RBFOX1: variants seen among roughly 807,000 people sequenced by gnomAD.
RBFOX1 encodes the protein RNA binding fox-1 homolog 1, also known as RNA binding protein fox-1 homolog 1.
A neutral mutation model predicts 57.7 loss-of-function variants in RBFOX1; 8 were observed. The observed-to-expected ratio is 0.14, with a 90% confidence interval of 0.08 to 0.25. The LOEUF (loss-of-function observed/expected upper bound fraction) is 0.25, where lower values mean the gene tolerates loss of function less well. RBFOX1 is among the 10% of genes least tolerant of loss of function. The pLI is 1.00. For synonymous variants in RBFOX1, 326 were observed against 222.4 expected (o/e 1.47, Z -4.15); for missense variants, 611 against 548.5 (o/e 1.11, Z -1.14).
chr16:5,304,498 T>G (rs2063883778), intron 1 of RBFOX1, among the ~76,000 whole-genome samples: 2 of 152,228 alleles, frequency 1.3e-5, no homozygotes, highest in African/African-American at 4.8e-5. Context: ...GACCTGAACA[T>G]GGACACAAAA....
At chr16:5,687,733 C>T (rs2050548588) in intron 3 of RBFOX1, among the ~76,000 whole-genome samples, 1 of 152,156 alleles carries the variant, frequency 6.6e-6, no homozygotes. Flanking sequence ...CCTTCATTCT[C>T]AGGAAAACTG....
At chr16:6,965,125 C>T (rs1445309089) in intron 3 of RBFOX1, among the ~76,000 whole-genome samples, 2 of 151,994 alleles carry the variant, frequency 1.3e-5, no homozygotes, top group African/African-American at 2.4e-5. Context: ...GACTCTGCCT[C>T]CATGGTTCTC....
chr16:6,772,170 G>A (rs2078403584), intron 3 of RBFOX1, among the ~76,000 whole-genome samples: 3 of 152,094 alleles, frequency 2.0e-5, no homozygotes, highest in South Asian at 2.1e-4. Context: ...TGTGGGCAAA[G>A]AGGAATGAAT....
At chr16:6,370,599 T>C (rs1368361137) in intron 2 of RBFOX1, among the ~76,000 whole-genome samples, 1 of 152,060 alleles carries the variant, frequency 6.6e-6, no homozygotes. Context: ...GGACAAATAT[T>C]GTATGATTCT....
intron 4 of RBFOX1, among the ~76,000 whole-genome samples, chr16:7,216,157 C>G (rs1021482842): frequency 2.0e-5 from 3 of 152,078 alleles, no homozygotes; most frequent in African/African-American, 7.2e-5. Flanking sequence ...GTGGATATAC[C>G]ATGTTGTATT....
At chr16:6,943,554 A>G (rs939362406) in intron 3 of RBFOX1, among the ~76,000 whole-genome samples, 1 of 151,994 alleles carries the variant, frequency 6.6e-6, no homozygotes. Context: ...TAAAAATACA[A>G]AAAATTAGCC....
intron 14 of RBFOX1, among the ~76,000 whole-genome samples, chr16:7,683,601 C>G (rs369237399): frequency 1.3e-5 from 2 of 152,040 alleles, no homozygotes; most frequent in African/African-American, 4.8e-5. Flanking sequence ...TTGCCAGTGA[C>G]AAGGCAAGGT....
chr16:7,271,293 C>T (rs762243402), intron 4 of RBFOX1, among the ~76,000 whole-genome samples: 5 of 151,598 alleles, frequency 3.3e-5, no homozygotes, highest in Non-Finnish European at 7.4e-5. Flanking sequence ...TCACAGGCAT[C>T]TTCCTAGCTG....
intron 2 of RBFOX1, among the ~76,000 whole-genome samples, chr16:6,459,851 G>A (rs1284503197): frequency 6.6e-6 from 1 of 151,608 alleles, no homozygotes; most frequent in African/African-American, 2.4e-5. Flanking sequence ...GGATGTGGTG[G>A]CGAATGCCTG....
At chr16:5,706,925 C>T (rs1038928358) in intron 3 of RBFOX1, among the ~76,000 whole-genome samples, 1 of 151,966 alleles carries the variant, frequency 6.6e-6, no homozygotes, top group Non-Finnish European at 1.5e-5. Context: ...TGTAGGTGGC[C>T]AGTATCTTAC....
intron 2 of RBFOX1, among the ~76,000 whole-genome samples, chr16:6,533,867 A>G (rs948996665): frequency 6.6e-6 from 1 of 152,180 alleles, no homozygotes; most frequent in East Asian, 1.9e-4. Flanking sequence ...ATAAAAGAGA[A>G]GTTTGACAGA....
chr16:7,140,299 A>G (rs2073412946), intron 4 of RBFOX1, among the ~76,000 whole-genome samples: 1 of 112,160 alleles, frequency 8.9e-6, no homozygotes, highest in Admixed American at 1.0e-4. Context: ...AGTTTTTTAA[A>G]GGTCACCTTC....
At chr16:5,370,169 C>T (rs543597887) in intron 1 of RBFOX1, among the ~76,000 whole-genome samples, 1 of 152,148 alleles carries the variant, frequency 6.6e-6, no homozygotes, top group African/African-American at 2.4e-5. Flanking sequence ...CTCACTCCTG[C>T]CCACTCTGGA....
At chr16:7,445,471 G>A (rs953966826) in intron 4 of RBFOX1, among the ~76,000 whole-genome samples, 1 of 152,148 alleles carries the variant, frequency 6.6e-6, no homozygotes, top group African/African-American at 2.4e-5. Context: ...GAAAGTGGAA[G>A]AGGCCCATAA....
chr16:7,134,636 C>T (rs1305489150), intron 4 of RBFOX1, among the ~76,000 whole-genome samples: 5 of 152,138 alleles, frequency 3.3e-5, no homozygotes, highest in Admixed American at 6.5e-5. Context: ...AGAAAATGAT[C>T]GTTGAAGAAA....
At chr16:5,823,120 A>G (rs2055913818) in intron 3 of RBFOX1, among the ~76,000 whole-genome samples, 1 of 152,128 alleles carries the variant, frequency 6.6e-6, no homozygotes, top group African/African-American at 2.4e-5. Context: ...CCTTCTGCCT[A>G]CCCATTGCCT....
chr16:7,471,034 C>G (rs1050091748), intron 4 of RBFOX1, among the ~76,000 whole-genome samples: 1 of 151,910 alleles, frequency 6.6e-6, no homozygotes, highest in Non-Finnish European at 1.5e-5. Context: ...AAATAGTGCA[C>G]AGACAGATAA....
chr16:5,691,962 G>T (rs1320256032), intron 3 of RBFOX1, among the ~76,000 whole-genome samples: 2 of 152,076 alleles, frequency 1.3e-5, no homozygotes, highest in Non-Finnish European at 2.9e-5. Context: ...GTAACACGAA[G>T]GCTGAGTGTC....
chr16:7,454,246 C>A (rs1410456058), intron 4 of RBFOX1, among the ~76,000 whole-genome samples: 1 of 151,982 alleles, frequency 6.6e-6, no homozygotes, highest in Non-Finnish European at 1.5e-5. Flanking sequence ...CCAACCCCCC[C>A]AAAAAAAGTC....
Sources: allele counts gnomAD v4.1 joint callset (sites outside exome capture counted in the v4.1 genomes callset), GRCh38; gene constraint gnomAD v4.1.1; transcripts MANE v1.5; gene names NCBI Gene and HGNC (gene_info 2026-07-23, HGNC 2026-07-21).